DMD: variants seen among roughly 807,000 people sequenced by gnomAD.
DMD encodes the protein dystrophin, also known as mutant dystrophin.
A neutral mutation model predicts 330.1 loss-of-function variants in DMD; 63 were observed. The ratio of observed to expected loss-of-function variants is 0.19; its 90% CI spans 0.16 to 0.24. DMD has a LOEUF of 0.24. Ranked by LOEUF, DMD falls within the 10% of genes least tolerant of loss-of-function variation. The pLI, the probability that DMD is intolerant of heterozygous loss-of-function variation, is 1.00. For synonymous variants in DMD, 1,223 were observed against 959.8 expected (o/e 1.27, Z -5.07); for missense variants, 3,344 against 2,684.1 (o/e 1.25, Z -5.43).
In DMD at chrX:31,609,272, T is replaced by C. The variant is rs774192171; in HGVS notation, c.8217+18401A>G. Among the ~76,000 whole-genome samples the C allele has an allele frequency of 7.2e-5, 8 of 111,553 alleles. No homozygotes were observed. In the South Asian group the frequency reaches 3.0e-3, roughly 42 times the overall value. ...CAGAGCATGCCATCTGAGTCACGAG[T>C]CTTGTCTTACTCAACTCTGGAGTTA... On this transcript the variant is annotated intron_variant, in intron 55 of 78. Transcript: ENST00000357033.
rs779725666 is a variant in DMD at position 31,649,664 on chromosome X, C to T, written c.8027+8326G>A. 2.6e-3 allele frequency among the ~76,000 whole-genome samples: 280 copies of T among 109,531 alleles called. 1 individual carries two copies. Among genetic ancestry groups the T allele is most frequent in the Middle Eastern group, 4.6e-3 (1 of 216 alleles). On this transcript the variant is annotated intron_variant, in intron 54 of 78. Transcript: ENST00000357033. The stretch of plus-strand genomic sequence containing the variant: ...CACAATCTCAGCTCACTTAAACCTC[C>T]GAAGAGTTCTTATGCTTCATAATCA...
At chrX:32,441,454 G>C (rs1373728963) in intron 27 of DMD, 140 bp from the exon 28 acceptor site, 1 of 547,685 alleles carries the variant, frequency 1.8e-6, no homozygotes, top group Non-Finnish European at 2.9e-6. Context: ...AATTCAAAAT[G>C]CAGCTAGACA....
chrX:32,714,877 A>T (rs1450725416), intron 7 of DMD, among the ~76,000 whole-genome samples: 1 of 111,867 alleles, frequency 8.9e-6, no homozygotes, highest in East Asian at 2.8e-4. Context: ...ACACATGTAA[A>T]TGGTTACCAT....
chrX:32,046,540 CAG>C (rs768077648), intron 44 of DMD, among the ~76,000 whole-genome samples: 3 of 111,836 alleles, frequency 2.7e-5, no homozygotes, highest in African/African-American at 9.7e-5. Flanking sequence ...AAGTTAAAAA[CAG>C]GGGAAAATGC....
chrX:31,839,856 T>C (rs1175752283), intron 48 of DMD, among the ~76,000 whole-genome samples: 1 of 112,099 alleles, frequency 8.9e-6, no homozygotes, highest in Non-Finnish European at 1.9e-5. Flanking sequence ...TTTATAACTA[T>C]TGCACTTGAA....
At chrX:32,166,702 G>A (rs1400449091) in intron 44 of DMD, among the ~76,000 whole-genome samples, 2 of 111,298 alleles carry the variant, frequency 1.8e-5, no homozygotes, top group Non-Finnish European at 3.8e-5. Flanking sequence ...AATATTTGAT[G>A]AATTAATAAA....
intron 7 of DMD, among the ~76,000 whole-genome samples, chrX:32,767,763 A>T (rs1348076471): frequency 8.9e-6 from 1 of 111,896 alleles, no homozygotes; most frequent in Non-Finnish European, 1.9e-5. Flanking sequence ...CTACTGTCAC[A>T]AGAACCGATG....
At chrX:32,532,438 C>T (rs926334103) in intron 17 of DMD, among the ~76,000 whole-genome samples, 11 of 112,018 alleles carry the variant, frequency 9.8e-5, no homozygotes, top group African/African-American at 2.6e-4. Context: ...GAGGAATTTC[C>T]GAAGGCAACA....
intron 44 of DMD, among the ~76,000 whole-genome samples, chrX:32,192,568 A>G (rs2096980678): frequency 8.9e-6 from 1 of 112,097 alleles, no homozygotes; most frequent in Non-Finnish European, 1.9e-5. Flanking sequence ...TCAAATGCAA[A>G]TATCCATTTA....
chrX:32,887,095 C>A (rs1005955432), intron 2 of DMD, among the ~76,000 whole-genome samples: 13 of 112,054 alleles, frequency 1.2e-4, no homozygotes, highest in South Asian at 3.7e-4. Flanking sequence ...CACCTGTAAT[C>A]CCAGCACTTT....
chrX:31,564,330 G>C lies in DMD; in HGVS notation c.8218-56877C>G, dbSNP rs1275343859. Among the ~76,000 whole-genome samples, 3 of 112,070 alleles carry C rather than the reference G, an allele frequency of 2.7e-5. No homozygotes were observed. The East Asian group carries it at 8.3e-4, about 31-fold the overall frequency. ...ATGTCCAAGAAACATTGTTGAGAGA[G>C]AAGCATAATTCAGAAGAAAATGTGT... On this transcript the variant is annotated intron_variant, in intron 55 of 78. Transcript: ENST00000357033.
rs746449219 is a variant in DMD, at chrX:31,830,377, C to T, written c.7200+6341G>A. Among the ~76,000 whole-genome samples the T allele has an allele frequency of 6.2e-5, 7 of 112,453 alleles. No individual in the cohort carries two copies. The East Asian group carries it at 1.4e-3, about 23-fold the overall frequency. On this transcript the variant is annotated intron_variant, in intron 49 of 78. Transcript: ENST00000357033. ...TGGGAGGCCGAGGCAGCCTGATCAC[C>T]TGAGGTCGGGAGTTCGAGACCAGCT...
chrX:31,343,629 G>C (rs2057900955), intron 61 of DMD, among the ~76,000 whole-genome samples: 1 of 109,991 alleles, frequency 9.1e-6, no homozygotes, highest in Non-Finnish European at 1.9e-5. Context: ...GAGAGAGAGA[G>C]AGAGAGAGAG....
chrX:31,707,127 C>T (rs1038159390), intron 52 of DMD, among the ~76,000 whole-genome samples: 17 of 109,544 alleles, frequency 1.6e-4, no homozygotes, highest in East Asian at 2.9e-4. Context: ...ATAAGCTAAC[C>T]GTTATTTGGA....
chrX:32,654,974 T>C lies in DMD; in HGVS notation c.961-9822A>G, dbSNP rs772697183. On this transcript the variant is annotated intron_variant, in intron 9 of 78. Transcript: ENST00000357033. ...GTTTTCTCTGATGGTAGTTTGAATT[T>C]CTGTGGGATCGGTGGTGATATCCCC... Among the ~76,000 whole-genome samples, 19 of 112,188 alleles carry C rather than the reference T, an allele frequency of 1.7e-4. 1 individual carries two copies. The East Asian group carries it at 5.3e-3, about 31-fold the overall frequency.
At chrX:31,734,339 C>A (rs1271048111) in intron 51 of DMD, among the ~76,000 whole-genome samples, 1 of 110,566 alleles carries the variant, frequency 9.0e-6, no homozygotes, top group Admixed American at 9.7e-5. Context: ...AACCTCAGCT[C>A]AGTTTCAAAG....
At chrX:31,571,074 G>T (rs2075785505) in intron 55 of DMD, among the ~76,000 whole-genome samples, 1 of 111,491 alleles carries the variant, frequency 9.0e-6, no homozygotes, top group Admixed American at 9.5e-5. Context: ...CATGCCATTT[G>T]TATTATCCTT....
At chrX:32,112,278 A>G (rs1603626040) in intron 44 of DMD, among the ~76,000 whole-genome samples, 1 of 111,449 alleles carries the variant, frequency 9.0e-6, no homozygotes, top group Non-Finnish European at 1.9e-5. Flanking sequence ...GCTCATCTCC[A>G]CTCTCCAATG....
chrX:32,520,143 T>C (rs2046276439), intron 17 of DMD, among the ~76,000 whole-genome samples: 1 of 112,094 alleles, frequency 8.9e-6, no homozygotes, highest in South Asian at 3.7e-4. Flanking sequence ...TATGGATTTT[T>C]ATTGTGTCAT....
Sources: allele counts gnomAD v4.1 joint callset (sites outside exome capture counted in the v4.1 genomes callset), GRCh38; gene constraint gnomAD v4.1.1; transcripts MANE v1.5; gene names NCBI Gene and HGNC (gene_info 2026-07-23, HGNC 2026-07-21).